Variants in CDH9 observed in about 807,000 individuals in gnomAD.
The protein encoded by CDH9 is cadherin-9.
In CDH9, 28 loss-of-function variants were observed where a neutral mutation model predicts 70.9. The observed-to-expected ratio is 0.40, with a 90% CI of 0.29 to 0.54. The LOEUF (loss-of-function observed/expected upper bound fraction) is 0.54, where lower values mean the gene tolerates loss of function less well. CDH9 is among the 20% of genes least tolerant of loss of function. CDH9 has a pLI of 0.59. For synonymous variants in CDH9, 409 were observed against 343.1 expected, an observed-to-expected ratio of 1.19 and a Z score of -2.12; for missense variants, 874 against 984.4, an observed-to-expected ratio of 0.89 and a Z score of 1.50.
chr5:27,015,381 T>C (rs952516287), intron 1 of CDH9, among the ~76,000 whole-genome samples: 4 of 151,840 alleles, frequency 2.6e-5, no homozygotes, highest in African/African-American at 9.7e-5. Flanking sequence ...TCAGGCTTTA[T>C]TGAAATTACT....
At chr5:26,956,718 C>T (rs867948774) in intron 2 of CDH9, among the ~76,000 whole-genome samples, 5 of 152,096 alleles carry the variant, frequency 3.3e-5, no homozygotes, top group South Asian at 2.1e-4. Context: ...GATGGTAGCA[C>T]CTTGATACTG....
intron 2 of CDH9, among the ~76,000 whole-genome samples, chr5:26,971,004 G>T (rs771338772): frequency 1.3e-5 from 2 of 152,112 alleles, no homozygotes; most frequent in Non-Finnish European, 2.9e-5. Flanking sequence ...CATTAGAAAT[G>T]CTTCTGACAT....
At chr5:27,028,249 C>T (rs55991143) in intron 1 of CDH9, 2,582 of 151,914 alleles carry the variant, frequency 0.017, 33 homozygotes, top group Middle Eastern at 0.078. Context: ...AATGTTGGCA[C>T]GCACCTGTAG....
At position 26,896,402 on chromosome 5, in the gene CDH9, T is replaced by C. The variant is rs184628208; in HGVS notation, c.1254-5838A>G. 1.2e-3 allele frequency among the ~76,000 whole-genome samples: 182 copies of C among 151,886 alleles called. 2 individuals are homozygous for C. The highest frequency in any genetic ancestry group is 4.3e-3 in the African/African-American group (177 of 41,496). Reference sequence around the variant, plus strand: ...CCAAGTATATGTGTGTATGTAAAGATTGTATATATCTCTAATCTAAATATT... The same window carrying C: ...CCAAGTATATGTGTGTATGTAAAGACTGTATATATCTCTAATCTAAATATT... On this transcript the variant is annotated intron_variant, in intron 7 of 11. Coordinates refer to ENST00000231021, the MANE Select transcript of CDH9 (RefSeq NM_016279.4).
chr5:27,021,200 C>A (rs1485690854), intron 1 of CDH9, among the ~76,000 whole-genome samples: 1 of 151,598 alleles, frequency 6.6e-6, no homozygotes, highest in East Asian at 1.9e-4. Context: ...TTGTGTTAAG[C>A]AGTTTGGTTT....
intron 1 of CDH9, among the ~76,000 whole-genome samples, chr5:26,995,966 A>G (rs973497324): frequency 6.6e-6 from 1 of 152,028 alleles, no homozygotes; most frequent in Non-Finnish European, 1.5e-5. Flanking sequence ...TATTCCAATT[A>G]TATTTGAGAA....
At chr5:27,038,374 C>T (rs922720071) in intron 1 of CDH9, 89 bp downstream of exon 1, 3 of 151,650 alleles carry the variant, frequency 2.0e-5, no homozygotes, top group Admixed American at 6.6e-5. Flanking sequence ...AATATAGCAA[C>T]TAGGAGAAAA....
chr5:26,989,100 GA>G (rs1168190058), intron 1 of CDH9, among the ~76,000 whole-genome samples: 2 of 151,804 alleles, frequency 1.3e-5, no homozygotes, highest in South Asian at 2.1e-4. Flanking sequence ...AAAATAATAA[GA>G]AAAAAATAGC....
intron 1 of CDH9, among the ~76,000 whole-genome samples, chr5:26,997,344 A>G (rs541499603): frequency 6.6e-6 from 1 of 152,194 alleles, no homozygotes; most frequent in South Asian, 2.1e-4. Context: ...TTTTCTGACA[A>G]TATTGGATTG....
intron 1 of CDH9, among the ~76,000 whole-genome samples, chr5:27,035,702 GT>G (rs1561048648): frequency 6.8e-5 from 9 of 133,152 alleles, no homozygotes; most frequent in South Asian, 2.3e-4. Context: ...GTGTGTGTGT[GT>G]GTGTGTGGGT....
intron 2 of CDH9, among the ~76,000 whole-genome samples, chr5:26,948,591 CAA>C (rs530485237): frequency 2.0e-5 from 3 of 152,164 alleles, no homozygotes; most frequent in Non-Finnish European, 4.4e-5. Flanking sequence ...AATGCATTTA[CAA>C]GTTTAGAACA....
intron 5 of CDH9, among the ~76,000 whole-genome samples, chr5:26,905,178 G>A (rs1362855859): frequency 2.6e-5 from 4 of 151,936 alleles, no homozygotes; most frequent in African/African-American, 7.2e-5. Context: ...TTTGAAATAG[G>A]GGTCCTTATA....
At chr5:26,920,097 T>A (rs1322212599) in intron 2 of CDH9, among the ~76,000 whole-genome samples, 1 of 152,028 alleles carries the variant, frequency 6.6e-6, no homozygotes, top group Non-Finnish European at 1.5e-5. Context: ...ATTATGGGCC[T>A]TGGCTCTTGA....
At chr5:27,015,476 T>C (rs1005203192) in intron 1 of CDH9, among the ~76,000 whole-genome samples, 4 of 151,844 alleles carry the variant, frequency 2.6e-5, no homozygotes, top group Admixed American at 6.6e-5. Context: ...ATTTTTTTCC[T>C]ATGTATTTAG....
chr5:27,027,378 G>T (rs1233600707), intron 1 of CDH9, among the ~76,000 whole-genome samples: 1 of 151,908 alleles, frequency 6.6e-6, no homozygotes, highest in Non-Finnish European at 1.5e-5. Context: ...CTAGGCCACT[G>T]TCCTACTTTT....
chr5:26,922,026 C>CAAAAA, intron 2 of CDH9, among the ~76,000 whole-genome samples: 1 of 125,382 alleles, frequency 8.0e-6, no homozygotes, highest in Non-Finnish European at 1.8e-5. Flanking sequence ...CAAAATAGTC[C>CAAAAA]AAAAAAAAAA....
intron 3 of CDH9, among the ~76,000 whole-genome samples, chr5:26,911,564 C>T (rs1429160345): frequency 6.6e-6 from 1 of 151,918 alleles, no homozygotes; most frequent in Non-Finnish European, 1.5e-5. Context: ...AGAAAGGAAG[C>T]ATCCCCAATC....
At chr5:26,969,284 ATTATT>A (rs1742178645) in intron 2 of CDH9, among the ~76,000 whole-genome samples, 1 of 152,144 alleles carries the variant, frequency 6.6e-6, no homozygotes, top group South Asian at 2.1e-4. Context: ...AGTATAAACT[ATTATT>A]TTATGTTTTG....
At chr5:27,005,806 G>T (rs891243514) in intron 1 of CDH9, among the ~76,000 whole-genome samples, 18 of 152,200 alleles carry the variant, frequency 1.2e-4, no homozygotes, top group Admixed American at 1.2e-3. Flanking sequence ...AAAAATTGTG[G>T]TACATAGATA....
Sources: gnomAD v4.1 joint callset for allele counts (sites outside exome capture counted in the v4.1 genomes callset) on GRCh38, gnomAD v4.1.1 for gene constraint, MANE v1.5 for transcripts, NCBI Gene and HGNC (gene_info 2026-07-23, HGNC 2026-07-21) for gene names.